EVC: variants seen among roughly 807,000 people sequenced by gnomAD.
EVC encodes the protein evC complex member EVC.
In EVC, 116 loss-of-function variants were observed where a neutral mutation model predicts 118.9. The ratio of observed to expected loss-of-function variants is 0.98; its 90% CI spans 0.84 to 1.14. The LOEUF (loss-of-function observed/expected upper bound fraction) is 1.14. Among genes scored for constraint, EVC ranks in the 50% most tolerant of loss-of-function variants. The pLI is 0.00. For synonymous variants in EVC, 619 were observed against 534.7 expected (o/e 1.16, Z -2.18); for missense variants, 1,401 against 1,246.4 (o/e 1.12, Z -1.87).
Position 5,801,972 on chromosome 4 carries a change from T to C in EVC, c.2327T>C (p.Val776Ala). ...DFKRTLMEAA[V>A]ESVYVTSAGV... ...CAGAGGACACTGATGGAGGCGGCAG[T>C]GGAGAGCGTCTACGTGACCAGCGCT... is the stretch of plus-strand genomic sequence containing the variant. Residue 776 changes from valine to alanine, a missense_variant, in exon 16 of 21, where the codon GTG becomes GCG. Transcript: ENST00000264956. 2 of 1,613,778 alleles carry C rather than the reference T, an allele frequency of 1.2e-6. No homozygotes were observed. The highest frequency in any genetic ancestry group is 1.7e-6 in the Non-Finnish European group (2 of 1,179,994).
At chr4:5,758,133 A>AG (rs1731463568) in intron 11 of EVC, 2 of 701,622 alleles carry the variant, frequency 2.9e-6, no homozygotes, top group Non-Finnish European at 2.6e-6. Context: ...TGAAGACAGA[A>AG]GGAGGGACTG....
the EVC span, among the ~76,000 whole-genome samples, chr4:5,819,914 C>T: frequency 2.6e-5 from 4 of 152,116 alleles, no homozygotes; most frequent in African/African-American, 4.8e-5. Flanking sequence ...CACACGAAGC[C>T]GAGGAGCGGG....
Position 5,803,112 on chromosome 4 carries a change from C to G in EVC, c.2449+1018C>G, listed in dbSNP as rs573005916. ...GGGGTGATAGAAAGGACAGTATCCC[C>G]AGTTCCAGTAACATACAGATAAGGA... On this transcript the variant is annotated intron_variant, in intron 16 of 20. Coordinates refer to ENST00000264956, the MANE Select transcript of EVC (RefSeq NM_153717.3). 8.5e-5 allele frequency among the ~76,000 whole-genome samples: 13 copies of G among 152,330 alleles called. No homozygotes were observed. In the South Asian group the frequency reaches 2.7e-3, roughly 32 times the overall value.
chr4:5,717,481 G>A (rs1195269874), intron 1 of EVC, among the ~76,000 whole-genome samples: 1 of 152,096 alleles, frequency 6.6e-6, no homozygotes, highest in East Asian at 1.9e-4. Flanking sequence ...CTCCCTCTGT[G>A]GGATATATAT....
Position 5,752,880 on chromosome 4 carries a change from G to C in EVC, c.1143G>C (p.Val381=), listed in dbSNP as rs2152076257. The C allele has an allele frequency of 6.2e-7, 1 of 1,614,248 alleles. No individual in the cohort carries two copies. Among genetic ancestry groups the C allele is most frequent in the South Asian group, 1.1e-5 (1 of 91,090 alleles). Residue 381 remains valine, a synonymous_variant, in exon 9 of 21, where the codon GTG becomes GTC. Transcript: ENST00000264956. The stretch of plus-strand genomic sequence containing the variant: ...TGGGGCGGGCGCACATGGCAAAAGT[G>C]ATTGAGTTTCTGAAGCTGCAAGTCC... ...RTMGRAHMAK[V]IEFLKLQVQE... is the part of the protein sequence containing the mutation.
chr4:5,756,115 G>A lies in EVC; in HGVS notation c.1465-149G>A. On this transcript the variant is annotated intron_variant, in intron 10 of 20. Coordinates refer to ENST00000264956, the MANE Select transcript of EVC (RefSeq NM_153717.3). This position sits in a 1 kb window ranked among gnomAD's most constrained non-coding sequence, Gnocchi z 4.2. ...CATCAGCTGTGAAAGCCATGTGACA[G>A]CCCCATGCCTCAGTTTCCTTGTGTG... is the stretch of plus-strand genomic sequence containing the variant. The A allele has an allele frequency of 1.5e-6, 1 of 675,010 alleles. No homozygotes were observed. Among genetic ancestry groups the A allele is most frequent in the South Asian group, 1.7e-5 (1 of 60,226 alleles). 41.8% of individuals were successfully genotyped at this position (675,010 alleles called of 1,614,324 possible). A position where few individuals can be genotyped will look rare whatever the true frequency, so the allele number is the denominator to read the frequency against.
At chr4:5,768,643 G>A (rs1259678934) in intron 11 of EVC, among the ~76,000 whole-genome samples, 1 of 151,874 alleles carries the variant, frequency 6.6e-6, no homozygotes, top group East Asian at 1.9e-4. Flanking sequence ...GATCACTTGA[G>A]GTCAAGAGTT....
At chr4:5,729,511 T>A in intron 3 of EVC, 121 bp downstream of exon 3, 1 of 962,808 alleles carries the variant, frequency 1.0e-6, no homozygotes, top group Non-Finnish European at 1.7e-6. Flanking sequence ...TTATGGCAAG[T>A]CATTTTAGTA....
the EVC span, chr4:5,824,415 C>G: frequency 1.0e-6 from 1 of 985,382 alleles, no homozygotes; most frequent in Non-Finnish European, 1.2e-6. Flanking sequence ...TCGGCATAAT[C>G]ACTGAATCAG....
intron 1 of EVC, among the ~76,000 whole-genome samples, chr4:5,712,678 G>A (rs1723238363): frequency 6.6e-6 from 1 of 152,160 alleles, no homozygotes; most frequent in African/African-American, 2.4e-5. Context: ...GGGGAATTTG[G>A]TGACTCATGG....
chr4:5,712,566 G>T (rs576460721), intron 1 of EVC, among the ~76,000 whole-genome samples: 1 of 152,314 alleles, frequency 6.6e-6, no homozygotes, highest in South Asian at 2.1e-4. Context: ...TGCGCGATCA[G>T]AAACAAGATG....
At position 5,748,231 on chromosome 4, in the gene EVC, G is replaced by A; in HGVS notation, c.1023G>A (p.Gln341=). ...AGTGTTCCAGCTCCAAAGCCCGACAGCTGATGATGACTCTGACGGAAAGAA... is the reference window on the plus strand; with the variant it reads ...AGTGTTCCAGCTCCAAAGCCCGACAACTGATGATGACTCTGACGGAAAGAA... ...QFKCSSSKAR[Q]LMMTLTERMI... The change falls in exon 8 of 21, where the codon CAG becomes CAA. Residue 341 remains glutamine (Q), a synonymous_variant. Coordinates refer to ENST00000264956, the MANE Select transcript of EVC (RefSeq NM_153717.3). 6.2e-7 allele frequency: 1 copy of A among 1,614,186 alleles called. No homozygotes were observed. Among genetic ancestry groups the A allele is most frequent in the Non-Finnish European group, 8.5e-7 (1 of 1,180,038 alleles).
chr4:5,820,419 G>C, the EVC span, among the ~76,000 whole-genome samples: 1 of 152,158 alleles, frequency 6.6e-6, no homozygotes, highest in Non-Finnish European at 1.5e-5. Flanking sequence ...CTAGCTCATG[G>C]AAATGGAAGG....
intron 1 of EVC, among the ~76,000 whole-genome samples, chr4:5,715,707 T>A (rs1723824019): frequency 6.6e-6 from 1 of 151,698 alleles, no homozygotes; most frequent in Non-Finnish European, 1.5e-5. Context: ...GGAATAATTT[T>A]CCTCCAGAAT....
At position 5,725,336 on chromosome 4, in the gene EVC, A is replaced by G. The variant is rs371517018; in HGVS notation, c.301-3971A>G. ...AATGGTTGAACTAATTTACATTCCCACCAACAGTGTAAAAGTTTTCCTTTT... is the reference window on the plus strand; with the variant it reads ...AATGGTTGAACTAATTTACATTCCCGCCAACAGTGTAAAAGTTTTCCTTTT... On this transcript the variant is annotated intron_variant, in intron 2 of 20. Transcript: ENST00000264956. Among the ~76,000 whole-genome samples, 283 of 152,282 alleles carry G rather than the reference A, an allele frequency of 1.9e-3. 3 individuals are homozygous for G. The highest frequency in any genetic ancestry group is 6.3e-3 in the African/African-American group (260 of 41,566).
At chr4:5,825,866 CACACATCTACATACCCACATGCAT>C in the EVC span, 2 of 565,214 alleles carry the variant, frequency 3.5e-6, no homozygotes, top group Admixed American at 3.8e-5. This position sits in a 1 kb window ranked among gnomAD's most constrained non-coding sequence, Gnocchi z 4.4. Context: ...CATGCATACA[CACACATCTACATACCCACATGCAT>C]ACACATACAG....
chr4:5,711,862 G>A (rs2090265078), intron 1 of EVC, among the ~76,000 whole-genome samples: 1 of 152,218 alleles, frequency 6.6e-6, no homozygotes, highest in South Asian at 2.1e-4. Context: ...CAGGACGCTG[G>A]CCCTGCTCGC....
chr4:5,736,452 G>A (rs1169242877), intron 5 of EVC, among the ~76,000 whole-genome samples: 2 of 151,722 alleles, frequency 1.3e-5, no homozygotes, highest in African/African-American at 4.8e-5. Flanking sequence ...AGCACTTTGT[G>A]CCTGCACACC....
At chr4:5,762,899 G>T (rs201816967) in intron 11 of EVC, among the ~76,000 whole-genome samples, 5,682 of 62,936 alleles carry the variant, frequency 0.09, 264 homozygotes, top group East Asian at 0.16. Context: ...AGAAGCTCTT[G>T]AGTTTAATTA....
Sources: allele counts gnomAD v4.1 joint callset (sites outside exome capture counted in the v4.1 genomes callset), GRCh38; gene constraint gnomAD v4.1.1; non-coding constraint Gnocchi (gnomAD v3.1); transcripts MANE v1.5; gene names NCBI Gene and HGNC (gene_info 2026-07-23, HGNC 2026-07-21).